The following CPNE4 variants were observed in gnomAD, a reference collection of about 807,000 sequenced individuals.
CPNE4 encodes copine 4, also known as copine-4.
CPNE4 carries 25 observed loss-of-function variants against 67.9 expected under a neutral mutation model. That is an observed-to-expected ratio of 0.37 (90% CI 0.27 to 0.51). CPNE4 has a LOEUF of 0.51. CPNE4 is among the 20% of genes least tolerant of loss of function. The pLI, the probability that CPNE4 is intolerant of heterozygous loss-of-function variation, is 0.93. For synonymous variants in CPNE4, 242 were observed against 244.9 expected, an observed-to-expected ratio of 0.99 and a Z score of 0.11; for missense variants, 464 against 690.8, an observed-to-expected ratio of 0.67 and a Z score of 3.68.
chr3:132,006,791 C>T (rs2107671970), intron 1 of CPNE4, among the ~76,000 whole-genome samples: 1 of 152,220 alleles, frequency 6.6e-6, no homozygotes, highest in East Asian at 1.9e-4. Flanking sequence ...CGTGCCCAGA[C>T]CGCAAAGGGG....
intron 4 of CPNE4, among the ~76,000 whole-genome samples, chr3:131,697,389 C>G (rs1480871465): frequency 5.3e-5 from 8 of 152,188 alleles, no homozygotes; most frequent in African/African-American, 1.9e-4. Context: ...ACCATGTATT[C>G]TGTGGCCACA....
chr3:131,723,163 T>G (rs886830896), intron 3 of CPNE4, among the ~76,000 whole-genome samples: 2 of 152,106 alleles, frequency 1.3e-5, no homozygotes, highest in Admixed American at 6.6e-5. Context: ...GCCAGACACA[T>G]AAGTGCTCAA....
intron 5 of CPNE4, among the ~76,000 whole-genome samples, chr3:131,687,835 A>G (rs919639534): frequency 3.9e-5 from 6 of 152,248 alleles, no homozygotes; most frequent in African/African-American, 1.4e-4. Context: ...AGGGCTAGGT[A>G]TAAATGAGTG....
intron 3 of CPNE4, among the ~76,000 whole-genome samples, chr3:131,709,964 C>A (rs1377835647): frequency 2.0e-5 from 3 of 152,200 alleles, no homozygotes; most frequent in African/African-American, 7.2e-5. Context: ...TGTGTGCTTT[C>A]TTTCAATGAG....
At chr3:131,540,323 C>G (rs1043152183) in intron 15 of CPNE4, among the ~76,000 whole-genome samples, 5 of 152,184 alleles carry the variant, frequency 3.3e-5, no homozygotes, top group East Asian at 1.9e-4. Context: ...ATCCAAGGAG[C>G]CTTGGAATGT....
intron 1 of CPNE4, among the ~76,000 whole-genome samples, chr3:132,007,808 T>C (rs971031580): frequency 2.0e-5 from 3 of 152,196 alleles, no homozygotes; most frequent in Non-Finnish European, 4.4e-5. Context: ...AGTCACTTGC[T>C]CATGTGTCAC....
At chr3:131,583,289 A>G (rs1360228246) in intron 8 of CPNE4, among the ~76,000 whole-genome samples, 1 of 152,178 alleles carries the variant, frequency 6.6e-6, no homozygotes, top group Admixed American at 6.5e-5. Context: ...AGAACTTGAT[A>G]AACAAGAATT....
At chr3:132,017,066 T>A (rs2073903479) in intron 1 of CPNE4, among the ~76,000 whole-genome samples, 1 of 152,132 alleles carries the variant, frequency 6.6e-6, no homozygotes, top group African/African-American at 2.4e-5. Flanking sequence ...GGAAAGGTAA[T>A]GCAGGACAAA....
At chr3:131,823,497 G>T (rs1483506006) in intron 2 of CPNE4, among the ~76,000 whole-genome samples, 1 of 152,204 alleles carries the variant, frequency 6.6e-6, no homozygotes, top group Non-Finnish European at 1.5e-5. Flanking sequence ...ATTGAAATGT[G>T]CCATATGTTC....
chr3:131,863,943 C>A (rs1460093144), intron 2 of CPNE4, among the ~76,000 whole-genome samples: 7 of 152,216 alleles, frequency 4.6e-5, no homozygotes, highest in Non-Finnish European at 7.3e-5. Flanking sequence ...GTTTTCCCAG[C>A]ACCATTTATT....
intron 1 of CPNE4, among the ~76,000 whole-genome samples, chr3:132,003,337 C>T (rs1005391231): frequency 1.3e-5 from 2 of 152,046 alleles, no homozygotes; most frequent in Non-Finnish European, 2.9e-5. Flanking sequence ...TTAGATGATG[C>T]TCTCTTTTCA....
chr3:131,745,946 T>C (rs2082477823), intron 2 of CPNE4, among the ~76,000 whole-genome samples: 1 of 152,158 alleles, frequency 6.6e-6, no homozygotes, highest in African/African-American at 2.4e-5. Flanking sequence ...TTATAGAAAT[T>C]ATGTTAAACC....
chr3:131,998,716 A>G (rs1454427438), intron 1 of CPNE4, among the ~76,000 whole-genome samples: 1 of 19,326 alleles, frequency 5.2e-5, no homozygotes, highest in Non-Finnish European at 1.2e-4. Flanking sequence ...AGGATACAGA[A>G]ATGAAAAGAT....
rs1052843046 is a variant in CPNE4 at position 131,713,357 on chromosome 3, T to C, written c.360+10089A>G. On this transcript the variant is annotated intron_variant, in intron 3 of 15. Transcript: ENST00000429747. The stretch of plus-strand genomic sequence containing the variant: ...CTACCAGGTAGGTAGAATGATACCA[T>C]CTATGACTGAACGACATCTATGACT... Among the ~76,000 whole-genome samples, 13 of 152,266 alleles carry C rather than the reference T, an allele frequency of 8.5e-5. 1 individual carries two copies. The highest frequency in any genetic ancestry group is 3.1e-4 in the African/African-American group (13 of 41,558).
intron 8 of CPNE4, 92 bp from the exon 9 acceptor site, chr3:131,581,757 G>C (rs1937850219): frequency 1.2e-6 from 1 of 842,756 alleles, no homozygotes; most frequent in Admixed American, 1.8e-5. Flanking sequence ...AGGACAAACT[G>C]AACTGGAGGG....
intron 2 of CPNE4, among the ~76,000 whole-genome samples, chr3:131,790,632 T>C (rs1363610325): frequency 1.3e-5 from 2 of 152,176 alleles, no homozygotes. Context: ...GACTCAGCTG[T>C]GGCATCACCT....
chr3:131,666,468 G>A (rs961781925), intron 7 of CPNE4, among the ~76,000 whole-genome samples: 1 of 151,960 alleles, frequency 6.6e-6, no homozygotes, highest in Non-Finnish European at 1.5e-5. Context: ...AATTGATTTA[G>A]GTCAAGAATT....
rs547503937 is a variant in CPNE4, at chr3:131,897,056, G to A, written c.180+8208C>T. Among the ~76,000 whole-genome samples the A allele has an allele frequency of 4.6e-5, 7 of 152,186 alleles. No homozygotes were observed. In the South Asian group the frequency reaches 1.5e-3, roughly 32 times the overall value. On this transcript the variant is annotated intron_variant, in intron 2 of 15. Coordinates refer to ENST00000429747, the MANE Select transcript of CPNE4 (RefSeq NM_130808.3). ...ACTCCAGATTAACATGAAACACATG[G>A]TTTTAGATGAGGACATTGATGAAAG...
In CPNE4 at chr3:131,696,555, T is replaced by C. The variant is rs2081163101; in HGVS notation, c.494A>G (p.Lys165Arg). 1 of 1,613,950 alleles carries C rather than the reference T, an allele frequency of 6.2e-7. No individual in the cohort carries two copies. The highest frequency in any genetic ancestry group is 2.2e-5 in the East Asian group (1 of 44,874). Residue 165 changes from lysine (K) to arginine (R), a missense_variant, in exon 5 of 16, where the codon AAA becomes AGA. Lys to Arg is a conservative substitution (Grantham distance 26). Transcript: ENST00000429747. ...DYVELAFNAR[K>R]LDDKDFFSKS... Reference sequence around the variant, plus strand: ...CAAACGCTTTACCTTGTCATCCAATTTCCGTGCATTGAATGCAAGCTCAAC... The same window carrying C: ...CAAACGCTTTACCTTGTCATCCAATCTCCGTGCATTGAATGCAAGCTCAAC...
Sources: gnomAD v4.1 joint callset for allele counts (sites outside exome capture counted in the v4.1 genomes callset) on GRCh38, gnomAD v4.1.1 for gene constraint, MANE v1.5 for transcripts, NCBI Gene and HGNC (gene_info 2026-07-23, HGNC 2026-07-21) for gene names.